TYW1B: variants seen among roughly 807,000 people sequenced by gnomAD.
The protein encoded by TYW1B is tRNA-yW synthesizing protein 1 homolog B.
TYW1B carries 73 observed loss-of-function variants against 86.9 expected under a neutral mutation model. The observed-to-expected ratio is 0.84, with a 90% CI of 0.70 to 1.02. TYW1B has a LOEUF of 1.02. Ranked by LOEUF, TYW1B falls within the 50% of genes least tolerant of loss-of-function variation. The probability of loss-of-function intolerance (pLI) is 0.00; values close to 1 mark genes in which losing one functional copy is unlikely to be tolerated. For missense variants in TYW1B, 637 were observed against 827.4 expected, an observed-to-expected ratio of 0.77 and a Z score of 2.82; for synonymous variants, 248 against 292.8, an observed-to-expected ratio of 0.85 and a Z score of 1.56.
intron 7 of TYW1B, among the ~76,000 whole-genome samples, chr7:72,771,513 TTTA>T (rs1295657074): frequency 6.6e-6 from 1 of 152,148 alleles, no homozygotes; most frequent in Non-Finnish European, 1.5e-5. Flanking sequence ...AAATAGTAAA[TTTA>T]TTGACAGTGT....
At chr7:72,631,314 G>A (rs1812484136) in intron 11 of TYW1B, among the ~76,000 whole-genome samples, 1 of 151,990 alleles carries the variant, frequency 6.6e-6, no homozygotes, top group African/African-American at 2.4e-5. Context: ...GGAGTTCGAG[G>A]CCAGCCTGGT....
intron 9 of TYW1B, among the ~76,000 whole-genome samples, chr7:72,716,919 T>C (rs181845193): frequency 2.4e-3 from 349 of 143,044 alleles, no homozygotes; most frequent in African/African-American, 8.3e-3. Context: ...AGCCAAGACA[T>C]AGGGTTCATT....
intron 13 of TYW1B, 151 bp downstream of exon 13, chr7:72,616,521 C>G: frequency 8.2e-7 from 1 of 1,222,426 alleles, no homozygotes; most frequent in Non-Finnish European, 1.1e-6. Flanking sequence ...GCCCAGCAGA[C>G]AGAATTTAGT....
At chr7:72,679,446 C>A (rs1412812867) in intron 11 of TYW1B, among the ~76,000 whole-genome samples, 3 of 152,140 alleles carry the variant, frequency 2.0e-5, no homozygotes, top group Non-Finnish European at 4.4e-5. Context: ...ATAGCAGTTA[C>A]AAAGTCTCAA....
chr7:72,736,534 T>C (rs1787199671), intron 8 of TYW1B, among the ~76,000 whole-genome samples: 1 of 151,974 alleles, frequency 6.6e-6, no homozygotes, highest in Non-Finnish European at 1.5e-5. Context: ...GAGCCTCTAC[T>C]TCACTTTTTA....
intron 7 of TYW1B, among the ~76,000 whole-genome samples, chr7:72,776,712 TA>T (rs1787961996): frequency 1.3e-5 from 2 of 149,712 alleles, no homozygotes; most frequent in Non-Finnish European, 3.0e-5. Context: ...AAAAGGGAAA[TA>T]AAAAAGCAGA....
Position 72,628,987 on chromosome 7 carries a change from GTT to G in TYW1B, c.1515_1516del (p.Thr506CysfsTer28). The stretch of plus-strand genomic sequence containing the variant: ...TTTCACGAGCATCAGTCTGTAGACA[GTT>G]CGTTGTTGCTAAAACAAAGGAAAAG... On this transcript the variant is annotated frameshift_variant, in exon 12 of 14. Coordinates refer to ENST00000620995, the MANE Select transcript of TYW1B (RefSeq NM_001145440.3). LOFTEE classifies it high-confidence loss of function. 1.3e-6 allele frequency: 2 copies of G among 1,586,932 alleles called. No individual in the cohort carries two copies. The highest frequency in any genetic ancestry group is 4.6e-5 in the East Asian group (2 of 43,106).
At chr7:72,728,559 G>A (rs782446832) in intron 9 of TYW1B, among the ~76,000 whole-genome samples, 6 of 152,062 alleles carry the variant, frequency 3.9e-5, no homozygotes, top group South Asian at 2.1e-4. Context: ...CGCCCGCCTC[G>A]GCCTCCCAAA....
At chr7:72,584,458 C>T (rs571901813) in intron 13 of TYW1B, among the ~76,000 whole-genome samples, 68 of 151,040 alleles carry the variant, frequency 4.5e-4, no homozygotes, top group Non-Finnish European at 9.1e-4. Flanking sequence ...GTGTATATTC[C>T]AATTTTTTTT....
intron 13 of TYW1B, among the ~76,000 whole-genome samples, chr7:72,580,005 T>C (rs868908725): frequency 5.3e-5 from 8 of 152,128 alleles, no homozygotes; most frequent in Admixed American, 6.5e-5. Context: ...CTTACCCCTA[T>C]AACCTCATTT....
At chr7:72,723,828 T>C (rs1395498146) in intron 9 of TYW1B, among the ~76,000 whole-genome samples, 5 of 152,028 alleles carry the variant, frequency 3.3e-5, no homozygotes, top group Non-Finnish European at 5.9e-5. Context: ...GAAAATATAA[T>C]CAATATTCTG....
At chr7:72,817,511 CGTAATCTCCAAT>C (rs1226636680) in intron 2 of TYW1B, among the ~76,000 whole-genome samples, 2 of 152,094 alleles carry the variant, frequency 1.3e-5, no homozygotes, top group Admixed American at 6.6e-5. Flanking sequence ...ATCATTAACA[CGTAATCTCCAAT>C]GTTGGAAGTG....
intron 3 of TYW1B, among the ~76,000 whole-genome samples, chr7:72,814,360 G>A (rs533380616): frequency 7.9e-5 from 12 of 152,084 alleles, no homozygotes; most frequent in South Asian, 6.2e-4. Flanking sequence ...CGAGGCGGGC[G>A]GATCACGAGG....
intron 7 of TYW1B, among the ~76,000 whole-genome samples, chr7:72,766,821 G>A (rs1300568430): frequency 4.6e-5 from 7 of 152,054 alleles, no homozygotes; most frequent in African/African-American, 1.7e-4. Flanking sequence ...CAGCTACTCA[G>A]GAGGCTGAGG....
chr7:72,722,332 A>C (rs570365151), intron 9 of TYW1B, among the ~76,000 whole-genome samples: 1 of 152,332 alleles, frequency 6.6e-6, no homozygotes, highest in East Asian at 1.9e-4. Flanking sequence ...TTGCAGCTTT[A>C]GTACTGAGGA....
intron 11 of TYW1B, among the ~76,000 whole-genome samples, chr7:72,688,662 T>C (rs1814066929): frequency 6.6e-6 from 1 of 152,186 alleles, no homozygotes; most frequent in African/African-American, 2.4e-5. Context: ...CCCATCTGCT[T>C]ACTTGCCTTT....
chr7:72,697,031 TAAAAAAA>T (rs781801843), intron 10 of TYW1B, among the ~76,000 whole-genome samples: 8 of 137,954 alleles, frequency 5.8e-5, no homozygotes, highest in Middle Eastern at 3.5e-3. Context: ...GATTTCTACT[TAAAAAAA>T]AAAAAAAAAA....
chr7:72,671,639 G>A (rs1325581852), intron 11 of TYW1B, among the ~76,000 whole-genome samples: 1 of 152,012 alleles, frequency 6.6e-6, no homozygotes, highest in Non-Finnish European at 1.5e-5. Context: ...ATATTTAAGG[G>A]CTGTGTGGAT....
At chr7:72,779,849 T>C (rs1475345587) in intron 6 of TYW1B, among the ~76,000 whole-genome samples, 9 of 146,994 alleles carry the variant, frequency 6.1e-5, no homozygotes, top group African/African-American at 2.3e-4. Flanking sequence ...GAGAATCAAA[T>C]GTACCAAATG....
Sources: allele counts gnomAD v4.1 joint callset (sites outside exome capture counted in the v4.1 genomes callset), GRCh38; gene constraint gnomAD v4.1.1; transcripts MANE v1.5; gene names NCBI Gene and HGNC (gene_info 2026-07-23, HGNC 2026-07-21).